The following CES1 variants were observed in gnomAD, a reference collection of about 807,000 sequenced individuals.
The protein encoded by CES1 is carboxylesterase 1.
In CES1, 50 loss-of-function variants were observed where a neutral mutation model predicts 53.0. The observed-to-expected ratio is 0.94, with a 90% confidence interval of 0.75 to 1.19. The LOEUF (loss-of-function observed/expected upper bound fraction) is 1.19, where lower values mean the gene tolerates loss of function less well. CES1 is among the 50% of genes most tolerant of loss of function. CES1 has a pLI of 0.00. For synonymous variants in CES1, 202 were observed against 210.1 expected (o/e 0.96, Z 0.33); for missense variants, 534 against 538.0 (o/e 0.99, Z 0.07).
At chr16:55,808,613 T>C (rs542457333) in intron 11 of CES1, among the ~76,000 whole-genome samples, 8 of 152,300 alleles carry the variant, frequency 5.3e-5, no homozygotes, top group African/African-American at 1.7e-4. Flanking sequence ...CCTAGTTATT[T>C]ACTTCTAAAA....
At chr16:55,822,671 T>G (rs1452859373) in intron 4 of CES1, among the ~76,000 whole-genome samples, 8 of 151,904 alleles carry the variant, frequency 5.3e-5, no homozygotes, top group Non-Finnish European at 1.0e-4. Context: ...GGCTGCTCCC[T>G]GGGATCACTG....
At chr16:55,818,195 C>A (rs558893791) in intron 7 of CES1, among the ~76,000 whole-genome samples, 2 of 152,316 alleles carry the variant, frequency 1.3e-5, no homozygotes, top group Admixed American at 1.3e-4. Context: ...GGGAATAGTT[C>A]CCAATGGCCC....
intron 4 of CES1, among the ~76,000 whole-genome samples, chr16:55,821,803 T>C (rs1300879109): frequency 6.6e-6 from 1 of 152,136 alleles, no homozygotes; most frequent in Non-Finnish European, 1.5e-5. Context: ...TGACACTGAA[T>C]TCCCACTACA....
chr16:55,828,315 C>T (rs1389490094), intron 2 of CES1: 6 of 317,594 alleles, frequency 1.9e-5, no homozygotes, highest in African/African-American at 8.7e-5. Context: ...ACCCACACAC[C>T]TCCTGGCCCA....
chr16:55,812,417 A>T (rs1323633029), intron 9 of CES1: 3 of 226,258 alleles, frequency 1.3e-5, no homozygotes, highest in Non-Finnish European at 2.7e-5. Flanking sequence ...GTAGACGCTG[A>T]TGTCTGCTGT....
chr16:55,821,468 G>A lies in CES1; in HGVS notation c.593C>T (p.Ala198Val). 6.2e-7 allele frequency: 1 copy of A among 1,614,176 alleles called. No homozygotes were observed. ...AATGTTGTCCTGGACCCAGCGCAGGGCAGCCACCTGGTCCAGGTGACCCCA... is the reference window on the plus strand; with the variant it reads ...AATGTTGTCCTGGACCCAGCGCAGGACAGCCACCTGGTCCAGGTGACCCCA... ...GNWGHLDQVA[A>V]LRWVQDNIAS... The change falls in exon 5 of 14, where the codon GCC (alanine) becomes GTC (valine). Residue 198 changes from alanine to valine, a missense_variant. Physicochemically the swap from Ala to Val is moderately conservative, Grantham distance 64. Transcript: ENST00000360526.
At position 55,821,497 on chromosome 16, in the gene CES1, C is replaced by G; in HGVS notation, c.564G>C (p.Gly188=). The G allele has an allele frequency of 6.2e-7, 1 of 1,614,124 alleles. No homozygotes were observed. The highest frequency in any genetic ancestry group is 8.5e-7 in the Non-Finnish European group (1 of 1,180,018). The part of the protein sequence containing the change: ...FFSTGDEHSR[G]NWGHLDQVAA... ...CCACCTGGTCCAGGTGACCCCAGTT[C>G]CCCCGGCTGTGTTCATCCCCTGTGC... Residue 188 remains glycine (G), a synonymous_variant, in exon 5 of 14, where the codon GGG becomes GGC. Coordinates refer to ENST00000360526, the MANE Select transcript of CES1 (RefSeq NM_001025195.2).
At chr16:55,828,357 C>A (rs2032497808) in intron 2 of CES1, among the ~76,000 whole-genome samples, 2 of 152,228 alleles carry the variant, frequency 1.3e-5, no homozygotes, top group African/African-American at 4.8e-5. Flanking sequence ...AAATTCAAGA[C>A]AGCAGAATTC....
intron 2 of CES1, among the ~76,000 whole-genome samples, chr16:55,827,445 G>C (rs2032462801): frequency 6.6e-6 from 1 of 152,004 alleles, no homozygotes; most frequent in Non-Finnish European, 1.5e-5. Flanking sequence ...ATAATCCCAA[G>C]CATTGCCAAG....
In CES1 at chr16:55,810,612, G is replaced by C. The variant is rs763259535; in HGVS notation, c.1223C>G (p.Thr408Arg). 8.7e-6 allele frequency: 14 copies of C among 1,613,990 alleles called. No individual in the cohort carries two copies. The highest frequency in any genetic ancestry group is 5.0e-5 in the Admixed American group (3 of 60,004). The change falls in exon 11 of 14, where the codon ACA becomes AGA. Residue 408 changes from threonine (T) to arginine (R), a missense_variant. Physicochemically the swap from Thr to Arg is moderately conservative, Grantham distance 71 (BLOSUM62 -1). Around this residue, in one of 5 missense-constraint regions of CES1, gnomAD observed 269 missense variants for 206.6 expected, o/e 1.30. Coordinates refer to ENST00000360526, the MANE Select transcript of CES1 (RefSeq NM_001025195.2). ...PEATEKYLGG[T>R]DDTVKKKDLF... ...GTCTTTCTTTTTGACAGTGTCGTCTGTTCCTCCTAAGTATTTCTCAGTGGC... is the reference window on the plus strand; with the variant it reads ...GTCTTTCTTTTTGACAGTGTCGTCTCTTCCTCCTAAGTATTTCTCAGTGGC...
intron 2 of CES1, chr16:55,827,847 A>G (rs2142351956): frequency 6.6e-6 from 1 of 152,300 alleles, no homozygotes; most frequent in East Asian, 1.9e-4. Context: ...AACAGGCAAA[A>G]AAACTGGAAT....
At chr16:55,817,707 T>G (rs2032001815) in intron 7 of CES1, among the ~76,000 whole-genome samples, 1 of 151,860 alleles carries the variant, frequency 6.6e-6, no homozygotes, top group Non-Finnish European at 1.5e-5. Flanking sequence ...TGTGGGTGTC[T>G]GTGTGTGTCT....
chr16:55,830,819 A>AAGGCAGGCAGGC lies in CES1; in HGVS notation c.53-1857_53-1846dup, dbSNP rs57294788. On this transcript the variant is annotated intron_variant, in intron 1 of 13. Coordinates refer to ENST00000360526, the MANE Select transcript of CES1 (RefSeq NM_001025195.2). ...GAAGGAAGGAAGGAAGGAAGGAAGG[A>AAGGCAGGCAGGC]AGGCAGGCAGGCAGGCAGGCAGGCA... Among the ~76,000 whole-genome samples, 230 of 127,352 alleles carry AAGGCAGGCAGGC rather than the reference A, an allele frequency of 1.8e-3. 2 individuals are homozygous for AAGGCAGGCAGGC. The highest frequency in any genetic ancestry group is 5.7e-3 in the African/African-American group (165 of 28,780). 83.5% of individuals were successfully genotyped at this position (127,352 alleles called of 152,430 possible). A position where few individuals can be genotyped will look rare whatever the true frequency, so the allele number is the denominator to read the frequency against.
chr16:55,830,986 G>A (rs763245357), intron 1 of CES1, among the ~76,000 whole-genome samples: 1 of 152,194 alleles, frequency 6.6e-6, no homozygotes, highest in Non-Finnish European at 1.5e-5. Flanking sequence ...CACAGGCTCG[G>A]TGGAGATGTG....
intron 4 of CES1, among the ~76,000 whole-genome samples, chr16:55,822,593 G>C (rs1310712484): frequency 2.6e-5 from 4 of 152,116 alleles, no homozygotes; most frequent in Non-Finnish European, 5.9e-5. Context: ...GACAGCCAGG[G>C]GTGGGGAGGA....
Position 55,821,074 on chromosome 16 carries a change from AAGAG to A in CES1, c.693+290_693+293del, listed in dbSNP as rs59890072. Among the ~76,000 whole-genome samples, 10 of 149,732 alleles carry A rather than the reference AAGAG, an allele frequency of 6.7e-5. No individual in the cohort carries two copies. In the East Asian group the frequency reaches 1.2e-3, roughly 18 times the overall value. On this transcript the variant is annotated intron_variant, in intron 5 of 13. Transcript: ENST00000360526. ...AAAATGAGTGTGAAGGAGAGAGAGA[AAGAG>A]AGAGAGAGAGAGAGAGCTCAACCAA...
intron 8 of CES1, among the ~76,000 whole-genome samples, chr16:55,813,614 C>T (rs1352684698): frequency 2.0e-5 from 3 of 152,196 alleles, no homozygotes; most frequent in Non-Finnish European, 2.9e-5. Context: ...CAATTTCCTT[C>T]TCCTTTTTCT....
At chr16:55,815,778 T>C (rs550990114) in intron 8 of CES1, among the ~76,000 whole-genome samples, 3 of 152,320 alleles carry the variant, frequency 2.0e-5, no homozygotes, top group Admixed American at 6.5e-5. Context: ...GCCCCTTTCC[T>C]ACAGTCTATT....
intron 8 of CES1, among the ~76,000 whole-genome samples, chr16:55,815,308 G>A (rs1420549332): frequency 2.0e-5 from 3 of 152,214 alleles, no homozygotes; most frequent in African/African-American, 7.2e-5. Flanking sequence ...CATAAGGAAG[G>A]TCAGGCTTTT....
Sources: allele counts gnomAD v4.1 joint callset (sites outside exome capture counted in the v4.1 genomes callset), GRCh38; gene constraint gnomAD v4.1.1; regional missense constraint gnomAD v4.1.1; transcripts MANE v1.5; gene names NCBI Gene and HGNC (gene_info 2026-07-23, HGNC 2026-07-21).